DMXL1: variants seen among roughly 807,000 people sequenced by gnomAD.
DMXL1 encodes the protein dmX-like protein 1.
Under a neutral mutation model 319.2 loss-of-function variants are expected in DMXL1, and 99 were observed. The ratio of observed to expected loss-of-function variants is 0.31; its 90% CI spans 0.26 to 0.37. The LOEUF (loss-of-function observed/expected upper bound fraction) is 0.37, where lower values mean the gene tolerates loss of function less well. Ranked by LOEUF, DMXL1 falls within the 10% of genes least tolerant of loss-of-function variation. DMXL1 has a pLI of 1.00. For missense variants in DMXL1, 3,745 were observed against 3,595.6 expected, an observed-to-expected ratio of 1.04 and a Z score of -1.06; for synonymous variants, 1,385 against 1,235.2, an observed-to-expected ratio of 1.12 and a Z score of -2.54.
chr5:119,189,650 G>A, intron 28 of DMXL1, 58 bp from the exon 29 acceptor site: 3 of 1,519,264 alleles, frequency 2.0e-6, no homozygotes, highest in Non-Finnish European at 1.8e-6. Context: ...TGTAAACACA[G>A]GTGAAATAAA....
In DMXL1 at chr5:119,084,880, AAG is replaced by A. The variant is rs1232725512; in HGVS notation, c.88-13097_88-13096del. Among the ~76,000 whole-genome samples, 532 of 151,982 alleles carry A rather than the reference AAG, an allele frequency of 3.5e-3. 2 individuals are homozygous for A. The highest frequency in any genetic ancestry group is 5.8e-3 in the Non-Finnish European group (392 of 67,934). On this transcript the variant is annotated intron_variant, in intron 1 of 43. Transcript: ENST00000539542. ...ACTCCGTCTCAAAAAAAAAAAAAAA[AAG>A]ATCCTAAAATTGTCTTCTGTGTGGT... is the stretch of plus-strand genomic sequence containing the variant.
At chr5:119,199,203 T>G (rs1780219956) in intron 32 of DMXL1, among the ~76,000 whole-genome samples, 1 of 152,176 alleles carries the variant, frequency 6.6e-6, no homozygotes, top group South Asian at 2.1e-4. Flanking sequence ...TAGTTATTTT[T>G]GTGATCCTCT....
intron 29 of DMXL1, 51 bp from the exon 30 acceptor site, chr5:119,193,777 T>G: frequency 6.6e-7 from 1 of 1,523,476 alleles, no homozygotes; most frequent in Non-Finnish European, 9.0e-7. Flanking sequence ...TATGTTTGAA[T>G]GTATTAAATT....
At position 119,206,824 on chromosome 5, in the gene DMXL1, C is replaced by T. The variant is rs1781829497; in HGVS notation, c.7864-10C>T. 1 of 1,501,354 alleles carries T rather than the reference C, an allele frequency of 6.7e-7. No homozygotes were observed. The highest frequency in any genetic ancestry group is 1.4e-5 in the African/African-American group (1 of 71,942). 93.0% of individuals were successfully genotyped at this position (1,501,354 alleles called of 1,614,324 possible). ...ACTCTTTGTCATGTGGTTATTCTTT[C>T]TTGATGAAGTCATTAGAGGACAACA... On this transcript the variant is annotated splice_polypyrimidine_tract_variant and intron_variant, in intron 33 of 43. Coordinates refer to ENST00000539542, the MANE Select transcript of DMXL1 (RefSeq NM_001290321.3).
intron 38 of DMXL1, 33 bp downstream of exon 38, chr5:119,224,802 CTTA>C (rs769568098): frequency 1.0e-6 from 1 of 966,530 alleles, no homozygotes; most frequent in African/African-American, 1.7e-5. Context: ...ATTGTCCTTT[CTTA>C]TTCTTAAATC....
intron 4 of DMXL1, 47 bp from the exon 5 acceptor site, chr5:119,110,104 C>T (rs1009880877): frequency 2.7e-6 from 4 of 1,471,760 alleles, no homozygotes; most frequent in Non-Finnish European, 3.6e-6. Context: ...TAAATTAAGT[C>T]ACTATTAAAT....
chr5:119,073,837 A>C (rs1349223642), intron 1 of DMXL1, among the ~76,000 whole-genome samples: 4 of 151,854 alleles, frequency 2.6e-5, no homozygotes, highest in African/African-American at 7.3e-5. Flanking sequence ...ATACACCTTA[A>C]ATTTTTCTCT....
At chr5:119,073,877 G>A (rs1580524521) in intron 1 of DMXL1, among the ~76,000 whole-genome samples, 1 of 150,640 alleles carries the variant, frequency 6.6e-6, no homozygotes, top group Non-Finnish European at 1.5e-5. Context: ...CTTCTCTCAT[G>A]TTAAAAGGCA....
At chr5:119,169,225 T>A (rs1295808235) in intron 23 of DMXL1, among the ~76,000 whole-genome samples, 1 of 152,216 alleles carries the variant, frequency 6.6e-6, no homozygotes, top group African/African-American at 2.4e-5. Flanking sequence ...AAAATTGTAT[T>A]TTGATTTGGG....
At chr5:119,072,900 C>CT (rs778263320) in intron 1 of DMXL1, among the ~76,000 whole-genome samples, 3 of 152,132 alleles carry the variant, frequency 2.0e-5, no homozygotes, top group Non-Finnish European at 4.4e-5. Context: ...CTATAGTTTC[C>CT]TTACACCTGG....
intron 9 of DMXL1, among the ~76,000 whole-genome samples, chr5:119,128,988 A>G (rs1260550745): frequency 6.6e-6 from 1 of 152,036 alleles, no homozygotes; most frequent in Non-Finnish European, 1.5e-5. Flanking sequence ...GGCTTGAACC[A>G]GGGAGTTTGC....
chr5:119,166,545 T>A, intron 21 of DMXL1, 71 bp from the exon 22 acceptor site: 1 of 1,393,102 alleles, frequency 7.2e-7, no homozygotes, highest in Non-Finnish European at 9.9e-7. Flanking sequence ...AAATCTTAAC[T>A]TTAGAAAATT....
chr5:119,149,714 A>T lies in DMXL1; in HGVS notation c.3887A>T (p.Lys1296Met), dbSNP rs1319078657. The change falls in exon 18 of 44, where the codon AAG becomes ATG. Residue 1296 changes from lysine to methionine, a missense_variant. Around this residue, in one of 4 missense-constraint regions of DMXL1, gnomAD observed 2,096 missense variants for 1,985.4 expected, o/e 1.06. Transcript: ENST00000539542. ...AGTCTTGCACAGAAAATCTGTGGAA[A>T]GAAAACTGCATTCGATCCTTCAGTG... ...MTSLAQKICG[K>M]KTAFDPSVDM... is the part of the protein sequence containing the mutation. 2.5e-6 allele frequency: 4 copies of T among 1,613,936 alleles called. No homozygotes were observed. The Admixed American group carries it at 5.0e-5, about 20-fold the overall frequency.
At chr5:119,227,117 A>G (rs2150631850) in intron 38 of DMXL1, among the ~76,000 whole-genome samples, 1 of 152,342 alleles carries the variant, frequency 6.6e-6, no homozygotes, top group African/African-American at 2.4e-5. Context: ...CTGCATTAGC[A>G]TAAATTCAGG....
intron 1 of DMXL1, among the ~76,000 whole-genome samples, chr5:119,086,512 T>C (rs1753405034): frequency 6.6e-6 from 1 of 152,208 alleles, no homozygotes; most frequent in Non-Finnish European, 1.5e-5. Flanking sequence ...TTTTTTGTTG[T>C]TGTTGTTGCT....
intron 22 of DMXL1, among the ~76,000 whole-genome samples, chr5:119,167,386 A>G (rs1267400107): frequency 4.6e-5 from 7 of 152,112 alleles, no homozygotes. Context: ...ATATATATAT[A>G]TTTAGTACTA....
At position 119,149,563 on chromosome 5, in the gene DMXL1, A is replaced by G. The variant is rs202197204; in HGVS notation, c.3736A>G (p.Lys1246Glu). The change falls in exon 18 of 44, where the codon AAA (lysine) becomes GAA (glutamate). Residue 1246 changes from lysine to glutamate, a missense_variant. This residue lies in a region of DMXL1 where 2,096 missense variants were observed against 1,985.4 expected (regional missense o/e 1.06). Transcript: ENST00000539542. ...GTATTGCCAATGGCAACCATCTTCT[A>G]AACAAGAACCTGTTATAACAGATTC... Reference protein sequence around the residue: ...HVYCQWQPSSKQEPVITDSYS... With the variant: ...HVYCQWQPSSEQEPVITDSYS... 7.9e-5 allele frequency: 127 copies of G among 1,613,826 alleles called. No homozygotes were observed. Among genetic ancestry groups the G allele is most frequent in the Non-Finnish European group, 9.7e-5 (115 of 1,179,928 alleles).
intron 2 of DMXL1, 107 bp from the exon 3 acceptor site, chr5:119,101,828 A>G: frequency 1.4e-6 from 1 of 721,602 alleles, no homozygotes; most frequent in Non-Finnish European, 2.3e-6. Context: ...AGTGAATGAA[A>G]TTGTGTGTAT....
intron 2 of DMXL1, among the ~76,000 whole-genome samples, chr5:119,101,042 A>G (rs1580702444): frequency 1.6e-4 from 24 of 151,866 alleles, no homozygotes; most frequent in Admixed American, 1.4e-3. Context: ...CGGCCTCCCA[A>G]AGTGCTGGGA....
Sources: gnomAD v4.1 joint callset for allele counts (sites outside exome capture counted in the v4.1 genomes callset) on GRCh38, gnomAD v4.1.1 for gene constraint, gnomAD v4.1.1 regional missense constraint, MANE v1.5 for transcripts, NCBI Gene and HGNC (gene_info 2026-07-23, HGNC 2026-07-21) for gene names.